ACOT7: variants seen among roughly 807,000 people sequenced by gnomAD.
ACOT7 encodes acyl-CoA thioesterase 7.
A neutral mutation model predicts 40.2 loss-of-function variants in ACOT7; 12 were observed. The observed-to-expected ratio is 0.30, with a 90% confidence interval of 0.19 to 0.48. The LOEUF (loss-of-function observed/expected upper bound fraction) is 0.48, where lower values mean the gene tolerates loss of function less well. Among genes scored for constraint, ACOT7 ranks in the 20% least tolerant of loss-of-function variants. The pLI is 0.99. For synonymous variants in ACOT7, 228 were observed against 219.5 expected, an observed-to-expected ratio of 1.04 and a Z score of -0.34; for missense variants, 395 against 530.8, an observed-to-expected ratio of 0.74 and a Z score of 2.51.
chr1:6,391,917 AG>A (rs1642539053), intron 1 of ACOT7, among the ~76,000 whole-genome samples: 1 of 151,640 alleles, frequency 6.6e-6, no homozygotes, highest in African/African-American at 2.4e-5. Context: ...AACCTGATGC[AG>A]GCTGTCTGTC....
In ACOT7 at chr1:6,282,677, T is replaced by C. The variant is rs79101759; in HGVS notation, c.830-1391A>G. 100 of 1,286,500 alleles carry C rather than the reference T, an allele frequency of 7.8e-5. No individual in the cohort carries two copies. The East Asian group carries it at 5.4e-3, about 70-fold the overall frequency. 79.7% of individuals were successfully genotyped at this position (1,286,500 alleles called of 1,614,324 possible). ...CAGAGGCAAGAGCGGTTATTCCATG[T>C]TAAAAAGTATCAGAACGATCCATGC... On this transcript the variant is annotated intron_variant, in intron 7 of 8. Transcript: ENST00000361521. This position sits in a 1 kb window ranked among gnomAD's most constrained non-coding sequence, Gnocchi z 4.5.
At chr1:6,316,620 G>A (rs1409996214) in intron 6 of ACOT7, among the ~76,000 whole-genome samples, 1 of 152,204 alleles carries the variant, frequency 6.6e-6, no homozygotes, top group East Asian at 1.9e-4. Context: ...GACCAGCCTG[G>A]CCAACATAGT....
intron 5 of ACOT7, among the ~76,000 whole-genome samples, 170 bp from the exon 6 acceptor site, chr1:6,318,748 T>G (rs761913627): frequency 4.6e-5 from 7 of 152,190 alleles, no homozygotes; most frequent in Non-Finnish European, 7.4e-5. Context: ...CAGGCTACAG[T>G]TGGTGAAGGA....
At chr1:6,373,514 G>A (rs1642172463) in intron 1 of ACOT7, among the ~76,000 whole-genome samples, 1 of 151,806 alleles carries the variant, frequency 6.6e-6, no homozygotes, top group South Asian at 2.1e-4. Context: ...GCCTCCCAAA[G>A]TGCTGAGATT....
Position 6,349,599 on chromosome 1 carries a change from A to C in ACOT7, c.261+150T>G. 5.1e-6 allele frequency: 4 copies of C among 781,852 alleles called. No homozygotes were observed. In the East Asian group the frequency reaches 1.1e-4, roughly 21 times the overall value. 48.4% of individuals were successfully genotyped at this position (781,852 alleles called of 1,614,324 possible). A position where few individuals can be genotyped will look rare whatever the true frequency, so the allele number is the denominator to read the frequency against. ...AAGCATAGCTCTGAGGGTCCGGTGC[A>C]GAAATACTTGGGCCACTTCTCCCAC... On this transcript the variant is annotated intron_variant, in intron 2 of 8. Transcript: ENST00000361521.
At chr1:6,390,014 G>A (rs1002835186) in intron 1 of ACOT7, among the ~76,000 whole-genome samples, 1 of 152,172 alleles carries the variant, frequency 6.6e-6, no homozygotes, top group African/African-American at 2.4e-5. Context: ...AGGCCAGGAG[G>A]CTCCTCTTTC....
At chr1:6,291,393 T>A (rs1639659647) in intron 7 of ACOT7, among the ~76,000 whole-genome samples, 1 of 151,798 alleles carries the variant, frequency 6.6e-6, no homozygotes, top group African/African-American at 2.4e-5. Flanking sequence ...GAACAGCTGC[T>A]GCTCCCAGAA....
intron 2 of ACOT7, among the ~76,000 whole-genome samples, chr1:6,343,261 C>T (rs891748704): frequency 3.3e-5 from 5 of 152,220 alleles, no homozygotes; most frequent in African/African-American, 9.7e-5. Flanking sequence ...CCCAAAGCAC[C>T]GACATGCAGC....
chr1:6,332,295 G>C (rs1267574965), intron 4 of ACOT7, among the ~76,000 whole-genome samples: 1 of 152,246 alleles, frequency 6.6e-6, no homozygotes, highest in African/African-American at 2.4e-5. Context: ...GTGGCCTGTG[G>C]ACCGCAGGGT....
intron 6 of ACOT7, among the ~76,000 whole-genome samples, chr1:6,316,621 C>G (rs560887570): frequency 7.9e-5 from 12 of 152,326 alleles, no homozygotes; most frequent in African/African-American, 2.9e-4. Flanking sequence ...ACCAGCCTGG[C>G]CAACATAGTA....
chr1:6,282,542 C>T lies in ACOT7; in HGVS notation c.830-1256G>A, dbSNP rs1639385261. On this transcript the variant is annotated intron_variant, in intron 7 of 8. Coordinates refer to ENST00000361521, the MANE Select transcript of ACOT7 (RefSeq NM_007274.4). This position sits in a 1 kb window ranked among gnomAD's most constrained non-coding sequence, Gnocchi z 4.5. ...CTTCGGGGACTTTTTAATGTGGCCT[C>T]TGGAACCCCCAGTGTCCTAGCTGCA... Among the ~76,000 whole-genome samples, 1 of 152,168 alleles carries T rather than the reference C, an allele frequency of 6.6e-6. No homozygotes were observed. The highest frequency in any genetic ancestry group is 6.5e-5 in the Admixed American group (1 of 15,280).
intron 7 of ACOT7, among the ~76,000 whole-genome samples, chr1:6,291,774 T>C (rs912567699): frequency 6.6e-6 from 1 of 152,090 alleles, no homozygotes; most frequent in Non-Finnish European, 1.5e-5. Context: ...GCAGAGTCCA[T>C]GAGAAAGTCA....
At chr1:6,309,447 G>A (rs1571295635) in intron 6 of ACOT7, among the ~76,000 whole-genome samples, 1 of 152,198 alleles carries the variant, frequency 6.6e-6, no homozygotes, top group South Asian at 2.1e-4. Context: ...TCCTTCCTGT[G>A]GGTGGATTTT....
At chr1:6,383,591 G>A (rs1305355378) in intron 1 of ACOT7, among the ~76,000 whole-genome samples, 1 of 147,992 alleles carries the variant, frequency 6.8e-6, no homozygotes. Flanking sequence ...AGGCTGGATT[G>A]CAGTGGTGCA....
At chr1:6,304,513 C>T (rs1640065765) in intron 6 of ACOT7, among the ~76,000 whole-genome samples, 1 of 134,644 alleles carries the variant, frequency 7.4e-6, no homozygotes. Context: ...ACAAAGGTCT[C>T]TGGTTTTCCT....
chr1:6,344,220 G>A (rs1641355230), intron 2 of ACOT7, among the ~76,000 whole-genome samples: 1 of 152,208 alleles, frequency 6.6e-6, no homozygotes, highest in Non-Finnish European at 1.5e-5. Context: ...AGGCCAGGAT[G>A]TGAGGGGCAG....
chr1:6,315,231 G>A (rs7523285), intron 6 of ACOT7, among the ~76,000 whole-genome samples: 9,323 of 152,264 alleles, frequency 0.061, 366 homozygotes, highest in Non-Finnish European at 0.088. Context: ...GCAGCTTTGC[G>A]CAGTCTAGAA....
intron 1 of ACOT7, among the ~76,000 whole-genome samples, chr1:6,389,787 A>AG (rs1371016979): frequency 1.3e-5 from 2 of 151,744 alleles, no homozygotes; most frequent in African/African-American, 2.4e-5. Flanking sequence ...AAAAAAAAAA[A>AG]AAAGAAAGAA....
At chr1:6,303,703 T>A (rs1315343017) in intron 6 of ACOT7, among the ~76,000 whole-genome samples, 1 of 152,138 alleles carries the variant, frequency 6.6e-6, no homozygotes, top group African/African-American at 2.4e-5. Context: ...CACCCGTTAG[T>A]AATTACAAGA....
Sources: gnomAD v4.1 joint callset for allele counts (sites outside exome capture counted in the v4.1 genomes callset) on GRCh38, gnomAD v4.1.1 for gene constraint, Gnocchi (gnomAD v3.1) non-coding constraint, MANE v1.5 for transcripts, NCBI Gene and HGNC (gene_info 2026-07-23, HGNC 2026-07-21) for gene names.